The following DCLK2 variants were observed in gnomAD, a reference collection of about 807,000 sequenced individuals.
DCLK2 encodes the protein doublecortin like kinase 2.
Under a neutral mutation model 78.4 loss-of-function variants are expected in DCLK2, and 31 were observed. The observed-to-expected ratio is 0.40, with a 90% CI of 0.30 to 0.53. The LOEUF (loss-of-function observed/expected upper bound fraction) is 0.53, where lower values mean the gene tolerates loss of function less well. DCLK2 is among the 20% of genes least tolerant of loss of function. The pLI is 0.61. For missense variants in DCLK2, 872 were observed against 973.7 expected (o/e 0.90, Z 1.39); for synonymous variants, 407 against 374.9 (o/e 1.09, Z -0.99).
intron 2 of DCLK2, among the ~76,000 whole-genome samples, chr4:150,183,536 C>T (rs1167360343): frequency 6.6e-6 from 1 of 152,124 alleles, no homozygotes; most frequent in Non-Finnish European, 1.5e-5. Context: ...TAAGGAGCTA[C>T]ATAGGATTTG....
chr4:150,123,179 C>T (rs2150185066), intron 2 of DCLK2, among the ~76,000 whole-genome samples: 1 of 152,288 alleles, frequency 6.6e-6, no homozygotes, highest in East Asian at 1.9e-4. Flanking sequence ...GGGAAGAAGC[C>T]TAGCTTTTGG....
chr4:150,230,306 GTC>G (rs979227966), intron 8 of DCLK2, among the ~76,000 whole-genome samples: 4 of 152,176 alleles, frequency 2.6e-5, no homozygotes, highest in African/African-American at 7.2e-5. Context: ...GGGAGTTGTA[GTC>G]TCCTTATGTG....
At chr4:150,115,551 G>T (rs1250355527) in intron 2 of DCLK2, among the ~76,000 whole-genome samples, 1 of 151,684 alleles carries the variant, frequency 6.6e-6, no homozygotes, top group Non-Finnish European at 1.5e-5. Context: ...TTTCCCTTGA[G>T]AATGTGACTT....
Position 150,175,278 on chromosome 4 carries a change from A to G in DCLK2, c.757-17860A>G, listed in dbSNP as rs933360986. On this transcript the variant is annotated intron_variant, in intron 2 of 15. Coordinates refer to ENST00000296550, the MANE Select transcript of DCLK2 (RefSeq NM_001040260.4). ...AGCAAATTCCTGTGTTGGTGGGACT[A>G]TTTAGCCCAGGGAGATTTCAACCAA... Among the ~76,000 whole-genome samples, 4 of 146,148 alleles carry G rather than the reference A, an allele frequency of 2.7e-5. No homozygotes were observed. The Admixed American group carries it at 2.9e-4, about 10-fold the overall frequency.
chr4:150,222,007 A>T (rs1046125281), intron 7 of DCLK2, among the ~76,000 whole-genome samples: 6 of 148,910 alleles, frequency 4.0e-5, no homozygotes, highest in Admixed American at 1.3e-4. Context: ...TTTATTTAAA[A>T]AAAAGGCAGG....
chr4:150,122,087 T>C (rs1732590250), intron 2 of DCLK2, among the ~76,000 whole-genome samples: 1 of 152,222 alleles, frequency 6.6e-6, no homozygotes, highest in African/African-American at 2.4e-5. Context: ...GAATGGTAAA[T>C]GAGCATTGGC....
chr4:150,137,664 G>A (rs1733792846), intron 2 of DCLK2, among the ~76,000 whole-genome samples: 1 of 152,094 alleles, frequency 6.6e-6, no homozygotes, highest in South Asian at 2.1e-4. Flanking sequence ...CAATAGAAAG[G>A]ATTAGTAATT....
intron 11 of DCLK2, among the ~76,000 whole-genome samples, 178 bp downstream of exon 11, chr4:150,240,053 T>TTG (rs1560901284): frequency 3.2e-4 from 48 of 150,552 alleles, no homozygotes; most frequent in South Asian, 8.4e-4. Context: ...GTGTATACAG[T>TTG]GCCTCCTGTG....
At chr4:150,136,676 T>C (rs1733706318) in intron 2 of DCLK2, among the ~76,000 whole-genome samples, 1 of 152,186 alleles carries the variant, frequency 6.6e-6, no homozygotes, top group African/African-American at 2.4e-5. Context: ...CATATCATTC[T>C]GTGGTCTGAA....
chr4:150,218,524 C>A (rs966875965), intron 5 of DCLK2, among the ~76,000 whole-genome samples: 17 of 152,166 alleles, frequency 1.1e-4, no homozygotes, highest in African/African-American at 4.1e-4. Context: ...TGTTGTAGGA[C>A]CATTACCTGC....
At chr4:150,152,939 T>C (rs1734998545) in intron 2 of DCLK2, among the ~76,000 whole-genome samples, 1 of 152,186 alleles carries the variant, frequency 6.6e-6, no homozygotes, top group African/African-American at 2.4e-5. Flanking sequence ...GCAAATGCTT[T>C]AAGATGTTAA....
At chr4:150,101,211 C>T (rs1486649312) in intron 1 of DCLK2, among the ~76,000 whole-genome samples, 4 of 151,876 alleles carry the variant, frequency 2.6e-5, no homozygotes, top group African/African-American at 4.8e-5. Flanking sequence ...GCCATGATTG[C>T]GCCACTGCAG....
chr4:150,098,982 A>C (rs888447471), intron 1 of DCLK2, among the ~76,000 whole-genome samples: 2 of 150,884 alleles, frequency 1.3e-5, no homozygotes, highest in Non-Finnish European at 3.0e-5. Flanking sequence ...GGCATGAGCC[A>C]CCGTGCCTGG....
intron 5 of DCLK2, among the ~76,000 whole-genome samples, chr4:150,215,949 A>G (rs1339877935): frequency 6.6e-6 from 1 of 152,214 alleles, no homozygotes; most frequent in African/African-American, 2.4e-5. Context: ...AAGCATCCCA[A>G]CATTATAACA....
intron 5 of DCLK2, among the ~76,000 whole-genome samples, chr4:150,215,945 C>G (rs1274201224): frequency 6.6e-6 from 1 of 152,122 alleles, no homozygotes. Context: ...CCTAAAGCAT[C>G]CCAACATTAT....
chr4:150,225,767 A>G (rs890455877), intron 8 of DCLK2, among the ~76,000 whole-genome samples: 2 of 152,242 alleles, frequency 1.3e-5, no homozygotes, highest in Non-Finnish European at 2.9e-5. Context: ...AGAATTACGT[A>G]TATGGATCAT....
chr4:150,086,798 G>T (rs1729683360), intron 1 of DCLK2, among the ~76,000 whole-genome samples: 1 of 152,046 alleles, frequency 6.6e-6, no homozygotes, highest in Admixed American at 6.6e-5. Flanking sequence ...GAACCACCGT[G>T]CCCGGCCCAC....
chr4:150,249,146 AT>A (rs559579587), intron 14 of DCLK2, among the ~76,000 whole-genome samples: 182 of 151,208 alleles, frequency 1.2e-3, no homozygotes, highest in Admixed American at 1.9e-3. Flanking sequence ...AAGATACCAC[AT>A]TTTTTTTTAT....
chr4:150,110,695 C>T (rs1233228987), intron 2 of DCLK2, among the ~76,000 whole-genome samples: 1 of 152,094 alleles, frequency 6.6e-6, no homozygotes, highest in Non-Finnish European at 1.5e-5. Context: ...CCTTTGTGTT[C>T]CCATAGCTTA....
Sources: allele counts gnomAD v4.1 joint callset (sites outside exome capture counted in the v4.1 genomes callset), GRCh38; gene constraint gnomAD v4.1.1; transcripts MANE v1.5; gene names NCBI Gene and HGNC (gene_info 2026-07-23, HGNC 2026-07-21).